Variants in NIM1K observed in about 807,000 individuals in gnomAD.
NIM1K encodes serine/threonine-protein kinase NIM1.
Under a neutral mutation model 37.1 loss-of-function variants are expected in NIM1K, and 35 were observed. That is an observed-to-expected ratio of 0.94 (90% CI 0.72 to 1.25). The LOEUF is 1.25. NIM1K is among the 50% of genes most tolerant of loss of function. The pLI, the probability that NIM1K is intolerant of heterozygous loss-of-function variation, is 0.00. For missense variants in NIM1K, 564 were observed against 548.0 expected (o/e 1.03, Z -0.29); for synonymous variants, 234 against 206.6 (o/e 1.13, Z -1.14).
chr5:43,247,194 C>T (rs1227184566), intron 2 of NIM1K, among the ~76,000 whole-genome samples: 6 of 152,278 alleles, frequency 3.9e-5, no homozygotes, highest in Admixed American at 1.3e-4. Context: ...CGGAGTTTCA[C>T]GTCTTCTATA....
intron 1 of NIM1K, among the ~76,000 whole-genome samples, chr5:43,219,988 G>C (rs1172177250): frequency 6.6e-6 from 1 of 152,220 alleles, no homozygotes; most frequent in African/African-American, 2.4e-5. Context: ...GCCTCCCAAA[G>C]TGTTGGGATT....
chr5:43,200,504 G>T (rs1477702901), intron 1 of NIM1K, among the ~76,000 whole-genome samples: 2 of 151,404 alleles, frequency 1.3e-5, no homozygotes, highest in African/African-American at 4.9e-5. Context: ...GTTTCCCCGT[G>T]TTAGCCAGGA....
At chr5:43,193,250 G>A (rs1751859455) in intron 1 of NIM1K, 1 of 152,110 alleles carries the variant, frequency 6.6e-6, no homozygotes, top group Non-Finnish European at 1.5e-5. Flanking sequence ...CAAAGATTCT[G>A]CTATAGCACT....
At chr5:43,202,540 T>TA (rs567333864) in intron 1 of NIM1K, among the ~76,000 whole-genome samples, 120 of 152,300 alleles carry the variant, frequency 7.9e-4, no homozygotes, top group African/African-American at 2.7e-3. Flanking sequence ...AGTGGACTCC[T>TA]AAAAGTCCCC....
At chr5:43,279,041 C>T (rs1171903245) in intron 3 of NIM1K, among the ~76,000 whole-genome samples, 1 of 152,158 alleles carries the variant, frequency 6.6e-6, no homozygotes, top group Admixed American at 6.5e-5. Flanking sequence ...GAAGAGAATC[C>T]AGCAATAGAA....
At chr5:43,199,204 A>AAAAAAAAAAATATAT (rs1200134957) in intron 1 of NIM1K, among the ~76,000 whole-genome samples, 5 of 94,062 alleles carry the variant, frequency 5.3e-5, no homozygotes, top group Non-Finnish European at 1.0e-4. Context: ...AAAAAAAAAA[A>AAAAAAAAAAATATAT]ATATATATAT....
chr5:43,262,673 C>T (rs188043790), intron 2 of NIM1K, among the ~76,000 whole-genome samples: 109 of 152,160 alleles, frequency 7.2e-4, no homozygotes, highest in African/African-American at 2.5e-3. Flanking sequence ...AGAGGGCATC[C>T]CTGTCTTGTG....
rs192821692 is a variant in NIM1K, at chr5:43,212,604, T to C, written c.-695+20193T>C. Among the ~76,000 whole-genome samples the C allele has an allele frequency of 4.4e-4, 67 of 152,242 alleles. No homozygotes were observed. The East Asian group carries it at 0.012, about 27-fold the overall frequency. ...CCTCCCATCTCTAGTCCTCCTCCTT[T>C]TAGTGGCTCCTGTGTACAAAGATAA... is the stretch of plus-strand genomic sequence containing the variant. On this transcript the variant is annotated intron_variant, in intron 1 of 3. Coordinates refer to ENST00000326035, the MANE Select transcript of NIM1K (RefSeq NM_153361.4).
Position 43,277,171 on chromosome 5 carries a change from T to TTTA in NIM1K, c.408_410dup (p.Tyr137dup). 6.2e-7 allele frequency: 1 copy of TTTA among 1,614,104 alleles called. No individual in the cohort carries two copies. The highest frequency in any genetic ancestry group is 8.5e-7 in the Non-Finnish European group (1 of 1,180,006). The stretch of plus-strand genomic sequence containing the variant: ...CTGCACCATCCCAACATCATCCGCC[T>TTTA]TTACGAAGTGGTGGAGACCCTATCC... On this transcript the variant is annotated inframe_insertion, in exon 3 of 4. Transcript: ENST00000326035.
chr5:43,254,634 C>T (rs546145494), intron 2 of NIM1K, among the ~76,000 whole-genome samples: 16 of 152,314 alleles, frequency 1.1e-4, no homozygotes, highest in Non-Finnish European at 1.9e-4. Context: ...ATAGCAGCAC[C>T]TTCTGGTAGG....
At chr5:43,201,834 C>T (rs1368382798) in intron 1 of NIM1K, among the ~76,000 whole-genome samples, 1 of 151,902 alleles carries the variant, frequency 6.6e-6, no homozygotes, top group Non-Finnish European at 1.5e-5. Context: ...TGGCACGCAC[C>T]TGTAGTCCCA....
intron 1 of NIM1K, among the ~76,000 whole-genome samples, chr5:43,223,368 G>A (rs772445312): frequency 6.6e-6 from 1 of 152,062 alleles, no homozygotes. Flanking sequence ...GGATTAAATA[G>A]TTAATACACA....
intron 2 of NIM1K, among the ~76,000 whole-genome samples, chr5:43,262,156 G>A (rs890769744): frequency 2.6e-4 from 39 of 152,272 alleles, no homozygotes; most frequent in Non-Finnish European, 3.8e-4. Flanking sequence ...AAAGTCATTG[G>A]TAACTTGATG....
chr5:43,232,332 G>C, intron 1 of NIM1K: 3 of 1,294,496 alleles, frequency 2.3e-6, no homozygotes, highest in East Asian at 4.7e-5. Flanking sequence ...TTCATGGTAG[G>C]CTTTCTCAGC....
In NIM1K at chr5:43,245,780, C is replaced by G. The variant is rs1385533505; in HGVS notation, c.5C>G (p.Thr2Ser). M[T>S]AVYMNGGGLV... Reference sequence around the variant, plus strand: ...AGACGTGAGCCCCCGTGGACGATGACTGCAGTGTATATGAATGGAGGTGGC... The same window carrying G: ...AGACGTGAGCCCCCGTGGACGATGAGTGCAGTGTATATGAATGGAGGTGGC... Residue 2 changes from threonine (T) to serine (S), a missense_variant, in exon 2 of 4, where the codon ACT becomes AGT. Coordinates refer to ENST00000326035, the MANE Select transcript of NIM1K (RefSeq NM_153361.4). 3 of 1,594,536 alleles carry G rather than the reference C, an allele frequency of 1.9e-6. No individual in the cohort carries two copies. The highest frequency in any genetic ancestry group is 2.6e-6 in the Non-Finnish European group (3 of 1,168,050).
intron 1 of NIM1K, chr5:43,193,422 G>A (rs1751862983): frequency 7.2e-6 from 1 of 139,458 alleles, no homozygotes; most frequent in South Asian, 2.3e-4. Flanking sequence ...GTCCTCCTGA[G>A]TACAGTAGAC....
At chr5:43,213,202 TTTCTTTCTTTCTTTCTTTC>T (rs1752236324) in intron 1 of NIM1K, among the ~76,000 whole-genome samples, 1 of 51,474 alleles carries the variant, frequency 1.9e-5, no homozygotes, top group African/African-American at 6.9e-5. Context: ...TCTTTCTTTC[TTTCTTTCTTTCTTTCTTTC>T]TTTCCTTCTT....
chr5:43,234,349 T>C lies in NIM1K; in HGVS notation c.-694-10733T>C, dbSNP rs79183765. ...TTATTACAAATATTATATTTTTTGA[T>C]GTGGCTAATTTTAACAATTATTTTA... On this transcript the variant is annotated intron_variant, in intron 1 of 3. Coordinates refer to ENST00000326035, the MANE Select transcript of NIM1K (RefSeq NM_153361.4). 1.5e-3 allele frequency among the ~76,000 whole-genome samples: 223 copies of C among 150,702 alleles called. 1 individual carries two copies. Among genetic ancestry groups the C allele is most frequent in the African/African-American group, 5.1e-3 (208 of 40,768 alleles).
Position 43,280,807 on chromosome 5 carries a change from G to A in NIM1K, c.*78G>A. On this transcript the variant is annotated 3_prime_UTR_variant, in exon 4 of 4. Coordinates refer to ENST00000326035, the MANE Select transcript of NIM1K (RefSeq NM_153361.4). ...TTTTTTCAAGGACAACTTGAGTGGA[G>A]ACATTTTTGTAATTTTTAAATAAAC... The A allele has an allele frequency of 1.5e-6, 2 of 1,312,792 alleles. No individual in the cohort carries two copies. Among genetic ancestry groups the A allele is most frequent in the Non-Finnish European group, 2.1e-6 (2 of 973,768 alleles). 81.3% of individuals were successfully genotyped at this position (1,312,792 alleles called of 1,614,324 possible).
Sources: allele counts gnomAD v4.1 joint callset (sites outside exome capture counted in the v4.1 genomes callset), GRCh38; gene constraint gnomAD v4.1.1; transcripts MANE v1.5; gene names NCBI Gene and HGNC (gene_info 2026-07-23, HGNC 2026-07-21).